WARS2: variants seen among roughly 807,000 people sequenced by gnomAD.
WARS2 encodes the protein tryptophanyl tRNA synthetase 2, mitochondrial.
In WARS2, 28 loss-of-function variants were observed where a neutral mutation model predicts 36.5. The observed-to-expected ratio is 0.77, with a 90% CI of 0.57 to 1.05. The LOEUF is 1.05. Among genes scored for constraint, WARS2 ranks in the 50% least tolerant of loss-of-function variants. The pLI is 0.00. For synonymous variants in WARS2, 174 were observed against 178.4 expected (o/e 0.98, Z 0.20); for missense variants, 435 against 456.8 (o/e 0.95, Z 0.44).
rs1224144407 is a variant in WARS2 at position 119,032,257 on chromosome 1, T to G, written c.*654A>C. ...TATAATTCAGGGACTTGGGCTCTTG[T>G]ACAATAAATAAATCAGGTCAAAATA... is the stretch of plus-strand genomic sequence containing the variant. On this transcript the variant is annotated 3_prime_UTR_variant, in exon 6 of 6. Transcript: ENST00000235521. 6.6e-6 allele frequency: 1 copy of G among 152,204 alleles called. No homozygotes were observed. Among genetic ancestry groups the G allele is most frequent in the Admixed American group, 6.5e-5 (1 of 15,280 alleles). The allele number at this position is 152,204 out of a possible 1,614,324, so 9.4% of individuals were successfully genotyped here.
rs751913292 is a variant in WARS2 at position 119,033,278 on chromosome 1, C to T, written c.716G>A (p.Arg239Gln). The change falls in exon 6 of 6, where the codon CGA becomes CAA. Residue 239 changes from arginine (R) to glutamine (Q), a missense_variant. Arg to Gln is a conservative substitution (Grantham distance 43). Coordinates refer to ENST00000235521, the MANE Select transcript of WARS2 (RefSeq NM_015836.4). ...TATCTCCTCTGGGCTGTCTGTTATT[C>T]GGACGGTGGCCAGTTTGTCAGGGTC... ...KSDPDKLATV[R>Q]ITDSPEEIVQ... The T allele has an allele frequency of 4.3e-6, 7 of 1,614,216 alleles. No individual in the cohort carries two copies. Among genetic ancestry groups the T allele is most frequent in the Non-Finnish European group, 5.9e-6 (7 of 1,180,042 alleles).
intron 1 of WARS2, among the ~76,000 whole-genome samples, chr1:119,131,929 T>C (rs17023243): frequency 0.021 from 3,184 of 152,008 alleles, 102 homozygotes; most frequent in African/African-American, 0.072. Context: ...AGTATGGCAA[T>C]GGAAAGAATC....
intron 2 of WARS2, among the ~76,000 whole-genome samples, chr1:119,066,357 A>G (rs1304286111): frequency 6.6e-6 from 1 of 151,712 alleles, no homozygotes; most frequent in African/African-American, 2.4e-5. Context: ...GGGCGCCTGT[A>G]GTCCCAGCTA....
At chr1:119,081,281 G>A (rs1023370624) in intron 1 of WARS2, among the ~76,000 whole-genome samples, 1 of 152,206 alleles carries the variant, frequency 6.6e-6, no homozygotes, top group East Asian at 1.9e-4. Flanking sequence ...TATGGCAAAA[G>A]AATTTTTGTG....
chr1:119,101,074 G>A (rs587672319), intron 1 of WARS2, among the ~76,000 whole-genome samples: 1 of 152,260 alleles, frequency 6.6e-6, no homozygotes, highest in African/African-American at 2.4e-5. Flanking sequence ...GTGGGTGAGA[G>A]GGGAGGATGA....
intron 1 of WARS2, among the ~76,000 whole-genome samples, chr1:119,099,427 T>C (rs1212144142): frequency 1.3e-5 from 2 of 152,294 alleles, no homozygotes; most frequent in South Asian, 2.1e-4. Flanking sequence ...ACAAAACACA[T>C]CTTAAAATAT....
At chr1:119,082,650 C>T (rs929090935) in intron 1 of WARS2, 2 of 157,162 alleles carry the variant, frequency 1.3e-5, no homozygotes, top group Non-Finnish European at 2.8e-5. Flanking sequence ...CCACCCAACC[C>T]CTCTCCCCAA....
chr1:119,130,123 G>C (rs929210479), intron 1 of WARS2, among the ~76,000 whole-genome samples: 2 of 149,228 alleles, frequency 1.3e-5, no homozygotes, highest in African/African-American at 2.5e-5. Flanking sequence ...GCTTAAATGG[G>C]ACTTAAGGTG....
At chr1:119,059,548 G>C (rs1650202025) in intron 2 of WARS2, among the ~76,000 whole-genome samples, 1 of 152,154 alleles carries the variant, frequency 6.6e-6, no homozygotes, top group African/African-American at 2.4e-5. Context: ...GTAAGTCTAT[G>C]TCCATACCAC....
intron 2 of WARS2, among the ~76,000 whole-genome samples, chr1:119,050,877 G>A (rs1303907349): frequency 6.6e-6 from 1 of 152,100 alleles, no homozygotes; most frequent in East Asian, 1.9e-4. Flanking sequence ...ATCAGGAGGG[G>A]TAAAGGGAAT....
intron 2 of WARS2, among the ~76,000 whole-genome samples, chr1:119,066,509 C>G (rs889024381): frequency 7.2e-6 from 1 of 139,504 alleles, no homozygotes; most frequent in Non-Finnish European, 1.5e-5. Flanking sequence ...AGACAAGCTA[C>G]AAACTGAAAA....
chr1:119,047,693 G>A (rs1648975749), intron 2 of WARS2, among the ~76,000 whole-genome samples: 1 of 152,140 alleles, frequency 6.6e-6, no homozygotes, highest in Non-Finnish European at 1.5e-5. Flanking sequence ...ACAATTGCAT[G>A]GAAAGGTTCA....
intron 1 of WARS2, among the ~76,000 whole-genome samples, chr1:119,132,608 C>A (rs1042322594): frequency 6.6e-6 from 1 of 152,158 alleles, no homozygotes; most frequent in African/African-American, 2.4e-5. Flanking sequence ...TTATATTCTC[C>A]TGCTTCCCAA....
intron 1 of WARS2, chr1:119,085,432 C>T: frequency 6.7e-7 from 1 of 1,491,330 alleles, no homozygotes; most frequent in Admixed American, 2.0e-5. Context: ...TCTGCCTGTA[C>T]CTCCCAGTCA....
At position 119,138,892 on chromosome 1, in the gene WARS2, T is replaced by C. The variant is rs182408251; in HGVS notation, c.90+1663A>G. ...TAATAGCCCTATTCATAAATGCCACTGAAACAATAGTAGAGGTTTAAGAAA... is the reference window on the plus strand; with the variant it reads ...TAATAGCCCTATTCATAAATGCCACCGAAACAATAGTAGAGGTTTAAGAAA... On this transcript the variant is annotated intron_variant, in intron 1 of 5. Transcript: ENST00000235521. Among the ~76,000 whole-genome samples the C allele has an allele frequency of 3.5e-3, 537 of 152,330 alleles. 4 individuals are homozygous for C. The highest frequency in any genetic ancestry group is 0.029 in the South Asian group (139 of 4,826).
At chr1:119,045,901 C>A (rs1571267026) in intron 2 of WARS2, among the ~76,000 whole-genome samples, 1 of 152,104 alleles carries the variant, frequency 6.6e-6, no homozygotes, top group East Asian at 1.9e-4. Context: ...TCCACAATAC[C>A]CCACCAGATT....
intron 1 of WARS2, among the ~76,000 whole-genome samples, chr1:119,095,655 AC>A (rs1467416769): frequency 1.3e-5 from 2 of 151,230 alleles, no homozygotes; most frequent in Non-Finnish European, 2.9e-5. Context: ...CTGGTCTTGA[AC>A]TCCTGACCTC....
intron 4 of WARS2, among the ~76,000 whole-genome samples, chr1:119,042,050 TC>T (rs1346203959): frequency 6.6e-6 from 1 of 152,210 alleles, no homozygotes; most frequent in Non-Finnish European, 1.5e-5. Context: ...ATTATTAGTT[TC>T]TCACAGAAAC....
At chr1:119,045,959 C>G (rs1440913849) in intron 2 of WARS2, among the ~76,000 whole-genome samples, 1 of 152,070 alleles carries the variant, frequency 6.6e-6, no homozygotes, top group Non-Finnish European at 1.5e-5. Context: ...CCTGAGGCAT[C>G]TGTTCTATCT....
Sources: allele counts gnomAD v4.1 joint callset (sites outside exome capture counted in the v4.1 genomes callset), GRCh38; gene constraint gnomAD v4.1.1; transcripts MANE v1.5; gene names NCBI Gene and HGNC (gene_info 2026-07-23, HGNC 2026-07-21).